Variants in SLC12A5 observed in about 807,000 individuals in gnomAD.
SLC12A5 encodes K-Cl cotransporter 2.
In SLC12A5, 18 loss-of-function variants were observed where a neutral mutation model predicts 124.0. That is an observed-to-expected ratio of 0.15 (90% confidence interval 0.10 to 0.22). The LOEUF is 0.22. SLC12A5 is among the 10% of genes least tolerant of loss of function. The pLI is 1.00. For missense variants in SLC12A5, 867 were observed against 1,478.7 expected (o/e 0.59, Z 6.78); for synonymous variants, 589 against 568.0 (o/e 1.04, Z -0.53).
At position 46,040,364 on chromosome 20, in the gene SLC12A5, T is replaced by A; in HGVS notation, c.613-9T>A. 1.2e-6 allele frequency: 2 copies of A among 1,613,552 alleles called. No individual in the cohort carries two copies. Among genetic ancestry groups the A allele is most frequent in the Non-Finnish European group, 1.7e-6 (2 of 1,179,940 alleles). On this transcript the variant is annotated splice_polypyrimidine_tract_variant and intron_variant, in intron 6 of 25. Transcript: ENST00000243964. ...TTAGGTATCTGTTCTTCCTGCCCCT[T>A]TCCCACAGGCTTACCTCTTCCCAGC...
At chr20:46,036,628 C>T (rs776154989) in intron 4 of SLC12A5, 113 bp from the exon 5 acceptor site, 1 of 1,102,810 alleles carries the variant, frequency 9.1e-7, no homozygotes, top group Non-Finnish European at 1.4e-6. Context: ...AGCAGCTCAG[C>T]AGAAGAGAAC....
In SLC12A5 at chr20:46,056,617, C is replaced by G; in HGVS notation, c.3110+53C>G. On this transcript the variant is annotated intron_variant, in intron 23 of 25. Transcript: ENST00000243964. The surrounding 1 kb of genome is among the most constrained non-coding windows in gnomAD (Gnocchi z 4.3). ...GGCTGGGGTGAGCTAAAGGGTCTTG[C>G]TCCCCATGGCAGAGCAAGAGAGCAG... The G allele has an allele frequency of 6.4e-7, 1 of 1,555,726 alleles. No individual in the cohort carries two copies. Among genetic ancestry groups the G allele is most frequent in the South Asian group, 1.2e-5 (1 of 84,834 alleles).
chr20:46,023,691 A>T, downstream of SLC12A5: 1 of 367,306 alleles, frequency 2.7e-6, no homozygotes, highest in Non-Finnish European at 4.8e-6. Flanking sequence ...TAGCTCATTT[A>T]ACCTTTTCCA....
rs529889414 is a variant in SLC12A5 at position 46,057,764 on chromosome 20, C to A, written c.*159C>A. The A allele has an allele frequency of 1.6e-6, 1 of 610,820 alleles. No individual in the cohort carries two copies. Among genetic ancestry groups the A allele is most frequent in the East Asian group, 3.0e-5 (1 of 32,818 alleles). The allele number at this position is 610,820 out of a possible 1,614,324, so 37.8% of individuals were successfully genotyped here. ...AGCCCGGAGGCCACGCCTGTTGGGG[C>A]TGATTCGGAGAGGGCGCCCCGCCGC... On this transcript the variant is annotated 3_prime_UTR_variant, in exon 26 of 26. Transcript: ENST00000243964. This position sits in a 1 kb window ranked among gnomAD's most constrained non-coding sequence, Gnocchi z 7.1.
At chr20:46,029,927 TG>T (rs2084433856) in intron 1 of SLC12A5, among the ~76,000 whole-genome samples, 2 of 151,340 alleles carry the variant, frequency 1.3e-5, no homozygotes, top group Non-Finnish European at 1.5e-5. Context: ...CGTGTGTGTG[TG>T]TGTGTGTGTG....
intron 17 of SLC12A5, among the ~76,000 whole-genome samples, chr20:46,050,049 T>C (rs1445151059): frequency 6.6e-6 from 1 of 152,374 alleles, no homozygotes; most frequent in East Asian, 1.9e-4. Flanking sequence ...TCAGGTCATA[T>C]GTCTAAGGAC....
At chr20:46,028,014 G>C (rs2084414050), upstream of SLC12A5, among the ~76,000 whole-genome samples, 2 of 152,146 alleles carry the variant, frequency 1.3e-5, no homozygotes, top group Admixed American at 1.3e-4. Context: ...CAGATGTTTA[G>C]ATCTTCTAGA....
upstream of SLC12A5, chr20:46,029,152 G>A: frequency 7.1e-7 from 1 of 1,403,562 alleles, no homozygotes; most frequent in Middle Eastern, 2.5e-4. Flanking sequence ...GCTGCTGAGA[G>A]GGGGCGCGCG....
At chr20:46,023,945 CTT>C (rs1258634555), downstream of SLC12A5, among the ~76,000 whole-genome samples, 1 of 152,182 alleles carries the variant, frequency 6.6e-6, no homozygotes, top group Non-Finnish European at 1.5e-5. Context: ...CTTGCCTTCT[CTT>C]CTCTCGCTCC....
intron 1 of SLC12A5, among the ~76,000 whole-genome samples, chr20:46,030,222 G>T (rs2084436578): frequency 6.6e-6 from 1 of 151,942 alleles, no homozygotes; most frequent in Admixed American, 6.6e-5. Flanking sequence ...AGGGCGGGGC[G>T]GGGGGGAGTC....
Position 46,053,227 on chromosome 20 carries a change from GC to G in SLC12A5, c.2547+103del. On this transcript the variant is annotated intron_variant, in intron 19 of 25. Transcript: ENST00000243964. The surrounding 1 kb of genome is among the most constrained non-coding windows in gnomAD (Gnocchi z 4.7). ...CTGCAGGTCAGACTCAGGGGCTCTGGCCAGGGTCAGCTTCCGTGTCCTTCCT... is the reference window on the plus strand; with the variant it reads ...CTGCAGGTCAGACTCAGGGGCTCTGGCAGGGTCAGCTTCCGTGTCCTTCCT... 7.6e-7 allele frequency: 1 copy of G among 1,308,338 alleles called. No individual in the cohort carries two copies. The allele number at this position is 1,308,338 out of a possible 1,614,324, so 81.0% of individuals were successfully genotyped here.
chr20:46,031,208 T>A (rs1370948176), intron 1 of SLC12A5, among the ~76,000 whole-genome samples: 11 of 152,114 alleles, frequency 7.2e-5, no homozygotes. Flanking sequence ...GGCATCAGTG[T>A]GTGTGAGGCA....
At position 46,046,001 on chromosome 20, in the gene SLC12A5, G is replaced by A. The variant is rs1299368971; in HGVS notation, c.1688+5G>A. The A allele has an allele frequency of 1.2e-6, 2 of 1,612,248 alleles. No homozygotes were observed. The highest frequency in any genetic ancestry group is 1.7e-6 in the Non-Finnish European group (2 of 1,178,382). ...GGTGGCCCCCATCCTCTCTATGTGC[G>A]TGCCTGACTTCTTGCCCTCCCCCCT... On this transcript the variant is annotated splice_donor_5th_base_variant and intron_variant, in intron 13 of 25. Coordinates refer to ENST00000243964, the MANE Select transcript of SLC12A5 (RefSeq NM_020708.5).
At position 46,057,371 on chromosome 20, in the gene SLC12A5, G is replaced by A. The variant is rs2084705911; in HGVS notation, c.3259+68G>A. The A allele has an allele frequency of 8.7e-6, 14 of 1,611,240 alleles. No homozygotes were observed. The highest frequency in any genetic ancestry group is 1.7e-5 in the Admixed American group (1 of 59,984). On this transcript the variant is annotated intron_variant, in intron 25 of 25. Coordinates refer to ENST00000243964, the MANE Select transcript of SLC12A5 (RefSeq NM_020708.5). The surrounding 1 kb of genome is among the most constrained non-coding windows in gnomAD (Gnocchi z 7.1). ...CAGGGAATCTGGGTCCTGTCCCTGG[G>A]ATGGAAGAGCTGAGCTGTTCCTGCC...
rs2084473763 is a variant in SLC12A5, at chr20:46,033,737, G to GA, written c.53-1208dup. Reference sequence around the variant, plus strand: ...ATCATCCAACCATTCACCCATGCTAGAAACCGCAGACATTATCCTAGGTTC... The same window carrying GA: ...ATCATCCAACCATTCACCCATGCTAGAAAACCGCAGACATTATCCTAGGTTC... On this transcript the variant is annotated intron_variant, in intron 1 of 25. Coordinates refer to ENST00000243964, the MANE Select transcript of SLC12A5 (RefSeq NM_020708.5). 3.9e-5 allele frequency among the ~76,000 whole-genome samples: 6 copies of GA among 152,216 alleles called. No individual in the cohort carries two copies. In the South Asian group the frequency reaches 1.2e-3, roughly 32 times the overall value.
intron 1 of SLC12A5, among the ~76,000 whole-genome samples, chr20:46,030,128 C>G (rs1014901518): frequency 2.6e-5 from 4 of 151,476 alleles, no homozygotes; most frequent in Non-Finnish European, 5.9e-5. Flanking sequence ...CTCGCTTTCC[C>G]GTGGGTTCCT....
intron 3 of SLC12A5, 60 bp downstream of exon 3, chr20:46,035,595 T>A: frequency 2.1e-6 from 1 of 480,898 alleles, no homozygotes; most frequent in Non-Finnish European, 3.4e-6. Context: ...TGGGGGAGGA[T>A]GGGGGAGGAA....
Position 46,057,654 on chromosome 20 carries a change from G to C in SLC12A5, c.*49G>C, listed in dbSNP as rs766289936. 6.9e-7 allele frequency: 1 copy of C among 1,448,854 alleles called. No homozygotes were observed. The highest frequency in any genetic ancestry group is 9.5e-7 in the Non-Finnish European group (1 of 1,057,758). The allele number at this position is 1,448,854 out of a possible 1,614,324, so 89.7% of individuals were successfully genotyped here. A position where few individuals can be genotyped will look rare whatever the true frequency, so the allele number is the denominator to read the frequency against. On this transcript the variant is annotated 3_prime_UTR_variant, in exon 26 of 26. Transcript: ENST00000243964. The surrounding 1 kb of genome is among the most constrained non-coding windows in gnomAD (Gnocchi z 7.1). ...CCGAGCGCGCCCGGCCCGCGGCTCC[G>C]GAGCCCTCGCCGCGCCCCCCGCCGC...
At chr20:46,047,887 T>C in intron 15 of SLC12A5, 94 bp from the exon 16 acceptor site, 1 of 1,190,296 alleles carries the variant, frequency 8.4e-7, no homozygotes, top group Non-Finnish European at 1.2e-6. Flanking sequence ...GCCTGAGAGA[T>C]GGCTCTGCCC....
Sources: gnomAD v4.1 joint callset for allele counts (sites outside exome capture counted in the v4.1 genomes callset) on GRCh38, gnomAD v4.1.1 for gene constraint, Gnocchi (gnomAD v3.1) non-coding constraint, MANE v1.5 for transcripts, NCBI Gene and HGNC (gene_info 2026-07-23, HGNC 2026-07-21) for gene names.